Variants in PGBD1 observed in about 807,000 individuals in gnomAD.
The protein encoded by PGBD1 is piggyBac transposable element-derived protein 1.
PGBD1 carries 25 observed loss-of-function variants against 34.7 expected under a neutral mutation model. The ratio of observed to expected loss-of-function variants is 0.72; its 90% CI spans 0.52 to 1.00. PGBD1 has a LOEUF of 1.00. PGBD1 is among the 50% of genes least tolerant of loss of function. The pLI is 0.00. For synonymous variants in PGBD1, 292 were observed against 335.7 expected, an observed-to-expected ratio of 0.87 and a Z score of 1.42; for missense variants, 830 against 959.4, an observed-to-expected ratio of 0.87 and a Z score of 1.78.
rs149378160 is a variant in PGBD1 at position 28,285,575 on chromosome 6, G to A, written c.421G>A (p.Asp141Asn). The A allele has an allele frequency of 1.8e-5, 29 of 1,614,100 alleles. No homozygotes were observed. The African/African-American group carries it at 3.7e-4, about 21-fold the overall frequency. ...GGCCTCTGTCTATATTCAGGGACAGGACATGCACCCAATGGTGGCAGAATA... is the reference window on the plus strand; with the variant it reads ...GGCCTCTGTCTATATTCAGGGACAGAACATGCACCCAATGGTGGCAGAATA... ...QQASVYIQGQ[D>N]MHPMVAEYQG... is the part of the protein sequence containing the mutation. The change falls in exon 3 of 7, where the codon GAC becomes AAC. Residue 141 changes from aspartate (D) to asparagine (N), a missense_variant. Physicochemically the swap from Asp to Asn is conservative, Grantham distance 23 (BLOSUM62 1). Coordinates refer to ENST00000682144, the MANE Select transcript of PGBD1 (RefSeq NM_032507.4).
Position 28,283,773 on chromosome 6 carries a change from T to C in PGBD1, c.-38-3T>C. 6.6e-7 allele frequency: 1 copy of C among 1,520,320 alleles called. No homozygotes were observed. Among genetic ancestry groups the C allele is most frequent in the Non-Finnish European group, 8.8e-7 (1 of 1,134,858 alleles). The allele number at this position is 1,520,320 out of a possible 1,614,324, so 94.2% of individuals were successfully genotyped here. ...TGCCTCAGATCTCTATTTCTGAATA[T>C]AGACCCCAAGCTAAGTGAAGCTTTA... On this transcript the variant is annotated splice_region_variant and splice_polypyrimidine_tract_variant and intron_variant, in intron 1 of 6. Transcript: ENST00000682144.
chr6:28,300,574 A>G lies in PGBD1; in HGVS notation c.870-150A>G, dbSNP rs994853472. 3.9e-5 allele frequency: 35 copies of G among 890,716 alleles called. No individual in the cohort carries two copies. The highest frequency in any genetic ancestry group is 5.1e-5 in the Non-Finnish European group (31 of 606,054). 55.2% of individuals were successfully genotyped at this position (890,716 alleles called of 1,614,324 possible). On this transcript the variant is annotated intron_variant, in intron 6 of 6. Coordinates refer to ENST00000682144, the MANE Select transcript of PGBD1 (RefSeq NM_032507.4). This position sits in a 1 kb window ranked among gnomAD's most constrained non-coding sequence, Gnocchi z 4.0. The stretch of plus-strand genomic sequence containing the variant: ...GTGGCTAGAAATGTTTAATCTAGCC[A>G]AAGTCCTCCCCATGGAAACTTAAGA...
At position 28,301,290 on chromosome 6, in the gene PGBD1, G is replaced by C; in HGVS notation, c.1436G>C (p.Trp479Ser). 2 of 1,614,038 alleles carry C rather than the reference G, an allele frequency of 1.2e-6. No individual in the cohort carries two copies. Among genetic ancestry groups the C allele is most frequent in the Non-Finnish European group, 1.7e-6 (2 of 1,180,008 alleles). ...AGGCATCCTAGAAGGGAAATGTATT[G>C]GGAAGTCTCTGACACCGATCAGAAC... is the stretch of plus-strand genomic sequence containing the variant. ...FMRHPRREMY[W>S]EVSDTDQNLV... Residue 479 changes from tryptophan (W) to serine (S), a missense_variant, in exon 7 of 7, where the codon TGG becomes TCG. By Grantham distance (177) the Trp-to-Ser change is radical. This residue lies in a region of PGBD1 where 372 missense variants were observed against 427.9 expected (regional missense o/e 0.87). Transcript: ENST00000682144.
intron 3 of PGBD1, 124 bp from the exon 4 acceptor site, chr6:28,286,956 A>G (rs1418459042): frequency 5.5e-6 from 4 of 732,014 alleles, no homozygotes; most frequent in Non-Finnish European, 9.6e-6. Context: ...ACACTGTAAA[A>G]TCTACGTCTT....
At chr6:28,290,773 A>G (rs1419631621) in intron 4 of PGBD1, among the ~76,000 whole-genome samples, 1 of 152,216 alleles carries the variant, frequency 6.6e-6, no homozygotes, top group Non-Finnish European at 1.5e-5. Context: ...GTGGAATAAA[A>G]CTAGAAAGCA....
rs200878562 is a variant in PGBD1, at chr6:28,301,070, G to A, written c.1216G>A (p.Asp406Asn). The change falls in exon 7 of 7, where the codon GAT becomes AAT. Residue 406 changes from aspartate to asparagine, a missense_variant. Physicochemically the swap from Asp to Asn is conservative, Grantham distance 23. Transcript: ENST00000682144. ...KPNFPSWSAL[D>N]SGLLNLKSEK... The stretch of plus-strand genomic sequence containing the variant: ...CAATTTTCCAAGCTGGTCAGCACTG[G>A]ATTCTGGACTTTTGAATCTCAAGAG... 1.9e-6 allele frequency: 3 copies of A among 1,614,042 alleles called. No individual in the cohort carries two copies. The highest frequency in any genetic ancestry group is 1.1e-5 in the South Asian group (1 of 91,084).
At chr6:28,292,370 C>G (rs765715539) in intron 4 of PGBD1, among the ~76,000 whole-genome samples, 3 of 151,778 alleles carry the variant, frequency 2.0e-5, no homozygotes, top group Admixed American at 6.6e-5. Context: ...AATTTAAATA[C>G]TAAAAATTTA....
chr6:28,296,648 G>C (rs1762642932), intron 4 of PGBD1, among the ~76,000 whole-genome samples, 168 bp from the exon 5 acceptor site: 2 of 152,212 alleles, frequency 1.3e-5, no homozygotes, highest in African/African-American at 2.4e-5. Context: ...GCATCGGCTT[G>C]AGGTGGTGGT....
Position 28,285,594 on chromosome 6 carries a change from C to T in PGBD1, c.440C>T (p.Ala147Val), listed in dbSNP as rs200889872. The change falls in exon 3 of 7, where the codon GCA becomes GTA. Residue 147 changes from alanine (A) to valine (V), a missense_variant. Physicochemically the swap from Ala to Val is moderately conservative, Grantham distance 64. This residue lies in a region of PGBD1 where 457 missense variants were observed against 515.4 expected (regional missense o/e 0.89). Coordinates refer to ENST00000682144, the MANE Select transcript of PGBD1 (RefSeq NM_032507.4). ...IQGQDMHPMV[A>V]EYQGVSLECQ... The stretch of plus-strand genomic sequence containing the variant: ...GGACAGGACATGCACCCAATGGTGG[C>T]AGAATATCAAGGAGTCTCTTTGGAG... 4 of 1,614,004 alleles carry T rather than the reference C, an allele frequency of 2.5e-6. No homozygotes were observed.
In PGBD1 at chr6:28,301,949, T is replaced by A. The variant is rs1762859250; in HGVS notation, c.2095T>A (p.Ser699Thr). 6.2e-7 allele frequency: 1 copy of A among 1,614,182 alleles called. No individual in the cohort carries two copies. The part of the protein sequence containing the change: ...WYGDGIISLC[S>T]NAVGIEPVNE... ...TGGGGATGGCATTATCAGTCTGTGC[T>A]CCAATGCTGTGGGCATAGAACCAGT... The change falls in exon 7 of 7, where the codon TCC becomes ACC. Residue 699 changes from serine (S) to threonine (T), a missense_variant. By Grantham distance (58) the Ser-to-Thr change is moderately conservative. Around this residue, in one of 3 missense-constraint regions of PGBD1, gnomAD observed 372 missense variants for 427.9 expected, o/e 0.87. Coordinates refer to ENST00000682144, the MANE Select transcript of PGBD1 (RefSeq NM_032507.4).
chr6:28,291,802 G>A (rs1219600604), intron 4 of PGBD1, among the ~76,000 whole-genome samples: 1 of 152,082 alleles, frequency 6.6e-6, no homozygotes, highest in Admixed American at 6.6e-5. Context: ...TTCAACATAT[G>A]CAAATCAATA....
At chr6:28,296,624 T>C (rs1489180790) in intron 4 of PGBD1, among the ~76,000 whole-genome samples, 192 bp from the exon 5 acceptor site, 1 of 152,216 alleles carries the variant, frequency 6.6e-6, no homozygotes, top group Non-Finnish European at 1.5e-5. Context: ...ATCTCTGGCC[T>C]CACCCTCTGA....
In PGBD1 at chr6:28,296,845, C is replaced by T; in HGVS notation, c.672C>T (p.Ala224=). 1 of 1,614,114 alleles carries T rather than the reference C, an allele frequency of 6.2e-7. No homozygotes were observed. Among genetic ancestry groups the T allele is most frequent in the East Asian group, 2.2e-5 (1 of 44,888 alleles). ...TGGTGAAGACTGAGGAAGAAACAGCCCAGGCCGTTGCTGCAGAGAAGTGGT... is the reference window on the plus strand; with the variant it reads ...TGGTGAAGACTGAGGAAGAAACAGCTCAGGCCGTTGCTGCAGAGAAGTGGT... The part of the protein sequence containing the change: ...QTLVKTEEET[A]QAVAAEKWSH... The change falls in exon 5 of 7, where the codon GCC becomes GCT. Residue 224 remains alanine, a synonymous_variant. Coordinates refer to ENST00000682144, the MANE Select transcript of PGBD1 (RefSeq NM_032507.4).
In PGBD1 at chr6:28,300,614, T is replaced by TC; in HGVS notation, c.870-104dup. On this transcript the variant is annotated intron_variant, in intron 6 of 6. Coordinates refer to ENST00000682144, the MANE Select transcript of PGBD1 (RefSeq NM_032507.4). This position sits in a 1 kb window ranked among gnomAD's most constrained non-coding sequence, Gnocchi z 4.0. ...GAAACTTAAGAGAAATAAGTAAGTA[T>TC]CCCCCCACACCCACCCCAAGCCCCA... 1.6e-6 allele frequency: 2 copies of TC among 1,247,004 alleles called. No individual in the cohort carries two copies. The highest frequency in any genetic ancestry group is 1.6e-5 in the South Asian group (1 of 62,934). The allele number at this position is 1,247,004 out of a possible 1,614,324, so 77.2% of individuals were successfully genotyped here.
rs1762858919 is a variant in PGBD1, at chr6:28,301,936, T to C, written c.2082T>C (p.Ile694=). Residue 694 remains isoleucine, a synonymous_variant, in exon 7 of 7, where the codon ATT becomes ATC. Coordinates refer to ENST00000682144, the MANE Select transcript of PGBD1 (RefSeq NM_032507.4). The part of the protein sequence containing the change: ...IILCRWYGDG[I]ISLCSNAVGI... ...TGTGTCGTTGGTATGGGGATGGCAT[T>C]ATCAGTCTGTGCTCCAATGCTGTGG... 1 of 1,614,056 alleles carries C rather than the reference T, an allele frequency of 6.2e-7. No homozygotes were observed. The highest frequency in any genetic ancestry group is 8.5e-7 in the Non-Finnish European group (1 of 1,180,040).
intron 4 of PGBD1, among the ~76,000 whole-genome samples, chr6:28,290,121 G>A (rs889575413): frequency 2.0e-5 from 3 of 151,916 alleles, no homozygotes; most frequent in Admixed American, 2.0e-4. Flanking sequence ...TTTGAGATAG[G>A]GTCTCACTCT....
In PGBD1 at chr6:28,281,671, C is replaced by G. The variant is rs768024830; in HGVS notation, c.-286C>G. On this transcript the variant is annotated 5_prime_UTR_variant, in exon 1 of 7. Coordinates refer to ENST00000682144, the MANE Select transcript of PGBD1 (RefSeq NM_032507.4). ...ACCGGCGCTCCCGACAGGGGAGCAC[C>G]GGGCCTCTGAGCTCCCTCGGGAGCC... 5.6e-6 allele frequency: 2 copies of G among 354,696 alleles called. No individual in the cohort carries two copies. Among genetic ancestry groups the G allele is most frequent in the Non-Finnish European group, 1.0e-5 (2 of 198,876 alleles). 22.0% of individuals were successfully genotyped at this position (354,696 alleles called of 1,614,324 possible). A position where few individuals can be genotyped will look rare whatever the true frequency, so the allele number is the denominator to read the frequency against.
chr6:28,298,108 A>G, intron 6 of PGBD1, 117 bp downstream of exon 6: 1 of 747,866 alleles, frequency 1.3e-6, no homozygotes, highest in Non-Finnish European at 2.3e-6. Context: ...GACAACTGCC[A>G]CTCACTTCTG....
Position 28,283,799 on chromosome 6 carries a change from G to T in PGBD1, c.-15G>T, listed in dbSNP as rs547689290. ...AGACCCCAAGCTAAGTGAAGCTTTA[G>T]CCTCTAAGCTCAACATGTATGAAGC... is the stretch of plus-strand genomic sequence containing the variant. On this transcript the variant is annotated 5_prime_UTR_variant, in exon 2 of 7. Coordinates refer to ENST00000682144, the MANE Select transcript of PGBD1 (RefSeq NM_032507.4). 5.5e-5 allele frequency: 85 copies of T among 1,553,622 alleles called. No individual in the cohort carries two copies. The South Asian group carries it at 8.1e-4, about 15-fold the overall frequency.
Sources: gnomAD v4.1 joint callset for allele counts (sites outside exome capture counted in the v4.1 genomes callset) on GRCh38, gnomAD v4.1.1 for gene constraint, gnomAD v4.1.1 regional missense constraint, Gnocchi (gnomAD v3.1) non-coding constraint, MANE v1.5 for transcripts, NCBI Gene and HGNC (gene_info 2026-07-23, HGNC 2026-07-21) for gene names.